THAP4: variants seen among roughly 807,000 people sequenced by gnomAD.
THAP4 encodes peroxynitrite isomerase THAP4.
In THAP4, 18 loss-of-function variants were observed where a neutral mutation model predicts 48.1. That is an observed-to-expected ratio of 0.37 (90% confidence interval 0.26 to 0.56). The LOEUF is 0.56. THAP4 is among the 20% of genes least tolerant of loss of function. THAP4 has a pLI of 0.78. For missense variants in THAP4, 656 were observed against 774.9 expected (o/e 0.85, Z 1.82); for synonymous variants, 345 against 324.9 (o/e 1.06, Z -0.66).
intron 5 of THAP4, among the ~76,000 whole-genome samples, chr2:241,600,326 C>T (rs2067096376): frequency 6.6e-6 from 1 of 152,088 alleles, no homozygotes; most frequent in Non-Finnish European, 1.5e-5. Context: ...TACTGGGTCA[C>T]TCATCTGGAA....
intron 1 of THAP4, among the ~76,000 whole-genome samples, chr2:241,634,341 C>G (rs2067610469): frequency 1.3e-5 from 2 of 152,142 alleles, no homozygotes; most frequent in South Asian, 4.1e-4. Context: ...CCAACTGCTC[C>G]CCAGGCTGTG....
chr2:241,636,820 C>A (rs2067671352), intron 1 of THAP4, 121 bp downstream of exon 1: 3 of 452,578 alleles, frequency 6.6e-6, no homozygotes, highest in Non-Finnish European at 8.7e-6. Context: ...CGCCCGCTCC[C>A]CCGCGCCCCG....
At chr2:241,604,090 T>G (rs888357595) in intron 3 of THAP4, among the ~76,000 whole-genome samples, 5 of 152,098 alleles carry the variant, frequency 3.3e-5, no homozygotes, top group African/African-American at 1.2e-4. Context: ...TTCTTAGAGA[T>G]AAACTTTATT....
At chr2:241,600,973 T>C (rs1292583465) in intron 5 of THAP4, among the ~76,000 whole-genome samples, 1 of 130,644 alleles carries the variant, frequency 7.7e-6, no homozygotes, top group Non-Finnish European at 1.6e-5. Context: ...CCTACAAATC[T>C]TTAAAAAAAA....
chr2:241,614,500 A>G (rs2067314745), intron 2 of THAP4, among the ~76,000 whole-genome samples: 1 of 152,236 alleles, frequency 6.6e-6, no homozygotes, highest in African/African-American at 2.4e-5. Flanking sequence ...ATTCACCTCT[A>G]AGTCTGAATG....
intron 1 of THAP4, 75 bp downstream of exon 1, chr2:241,636,866 G>C (rs1322422164): frequency 1.1e-6 from 1 of 899,868 alleles, no homozygotes; most frequent in South Asian, 4.7e-5. Flanking sequence ...CCCCGCGTTC[G>C]GGCCGGCCGC....
intron 2 of THAP4, among the ~76,000 whole-genome samples, chr2:241,618,303 A>G (rs1241017489): frequency 3.9e-5 from 6 of 152,252 alleles, no homozygotes; most frequent in Non-Finnish European, 8.8e-5. Context: ...ATTTCTATAA[A>G]ATATAAAAAG....
At chr2:241,594,625 G>T in intron 5 of THAP4, 1 of 331,358 alleles carries the variant, frequency 3.0e-6, no homozygotes, top group Non-Finnish European at 6.0e-6. Flanking sequence ...GGGCATGCTG[G>T]TGCATACCTG....
At position 241,636,922 on chromosome 2, in the gene THAP4, C is replaced by A. The variant is rs774081142; in HGVS notation, c.77+19G>T. 2 of 1,223,368 alleles carry A rather than the reference C, an allele frequency of 1.6e-6. No individual in the cohort carries two copies. Among genetic ancestry groups the A allele is most frequent in the South Asian group, 2.9e-5 (2 of 68,912 alleles). 75.8% of individuals were successfully genotyped at this position (1,223,368 alleles called of 1,614,324 possible). ...GGGCCGGGTCGGGGCGGGGGCGTGG[C>A]GGCCCGGGGCCCGCGTACCTGTGGA... On this transcript the variant is annotated intron_variant, in intron 1 of 5. Coordinates refer to ENST00000407315, the MANE Select transcript of THAP4 (RefSeq NM_015963.6).
chr2:241,603,129 G>T, intron 3 of THAP4, 50 bp from the exon 4 acceptor site: 1 of 1,444,266 alleles, frequency 6.9e-7, no homozygotes. Context: ...CTCCAAGATG[G>T]CGTGGGCTGC....
At chr2:241,618,540 G>C (rs542574030) in intron 2 of THAP4, among the ~76,000 whole-genome samples, 1 of 152,264 alleles carries the variant, frequency 6.6e-6, no homozygotes, top group African/African-American at 2.4e-5. Context: ...ATATACCACA[G>C]CCTTAAAACA....
chr2:241,637,542 G>T (rs1406147210), upstream of THAP4: 3 of 1,457,688 alleles, frequency 2.1e-6, no homozygotes, highest in African/African-American at 3.0e-5. Flanking sequence ...GGCTCGCGTC[G>T]GCCCGGCCGT....
intron 5 of THAP4, among the ~76,000 whole-genome samples, chr2:241,593,426 G>A (rs2067011207): frequency 6.6e-6 from 1 of 152,174 alleles, no homozygotes; most frequent in Non-Finnish European, 1.5e-5. Flanking sequence ...GCTGTCCACA[G>A]CATGAATCCG....
chr2:241,599,553 T>C (rs1428420646), intron 5 of THAP4, among the ~76,000 whole-genome samples: 1 of 152,168 alleles, frequency 6.6e-6, no homozygotes, highest in African/African-American at 2.4e-5. Flanking sequence ...GAGTTTACCC[T>C]AACATGAAAT....
chr2:241,603,052 G>A lies in THAP4; in HGVS notation c.1428C>T (p.Arg476=). Reference sequence around the variant, plus strand: ...AGCCACACTCTCTGTGCATCGGCTTGCGCGTGTCCGGGTGGAAGGAGTTGA... The same window carrying A: ...AGCCACACTCTCTGTGCATCGGCTTACGCGTGTCCGGGTGGAAGGAGTTGA... ...FSFNSFHPDT[R]KPMHRECGFI... is the part of the protein sequence containing the mutation. Residue 476 remains arginine, a synonymous_variant, in exon 4 of 6, where the codon CGC becomes CGT. Transcript: ENST00000407315. 6.2e-7 allele frequency: 1 copy of A among 1,613,760 alleles called. No homozygotes were observed. Among genetic ancestry groups the A allele is most frequent in the Non-Finnish European group, 8.5e-7 (1 of 1,179,952 alleles).
chr2:241,619,703 CGGTG>C (rs2067386957), intron 2 of THAP4, among the ~76,000 whole-genome samples: 2 of 141,906 alleles, frequency 1.4e-5, no homozygotes, highest in South Asian at 2.3e-4. Flanking sequence ...GTGAGTGAGT[CGGTG>C]AGTGAAGGGT....
chr2:241,623,188 G>A (rs745671705), intron 2 of THAP4, among the ~76,000 whole-genome samples: 5 of 152,080 alleles, frequency 3.3e-5, no homozygotes, highest in Admixed American at 6.6e-5. Context: ...CAGCACTCCA[G>A]CCTGGTGACA....
chr2:241,596,067 C>T (rs891646904), intron 5 of THAP4, among the ~76,000 whole-genome samples: 2 of 152,330 alleles, frequency 1.3e-5, no homozygotes, highest in East Asian at 3.9e-4. Flanking sequence ...CATGTCCTTC[C>T]GCTGTAATAA....
intron 5 of THAP4, among the ~76,000 whole-genome samples, chr2:241,589,129 C>T (rs1019339935): frequency 1.3e-5 from 2 of 150,116 alleles, no homozygotes; most frequent in African/African-American, 4.9e-5. Context: ...AGGATAATCG[C>T]TTGAATCTGG....
Sources: allele counts gnomAD v4.1 joint callset (sites outside exome capture counted in the v4.1 genomes callset), GRCh38; gene constraint gnomAD v4.1.1; transcripts MANE v1.5; gene names NCBI Gene and HGNC (gene_info 2026-07-23, HGNC 2026-07-21).